The following ZNF251 variants were observed in gnomAD, a reference collection of about 807,000 sequenced individuals.
ZNF251 encodes the protein zinc finger protein 251.
ZNF251 carries 14 observed loss-of-function variants against 13.5 expected under a neutral mutation model. That is an observed-to-expected ratio of 1.04 (90% CI 0.69 to 1.63). The LOEUF (loss-of-function observed/expected upper bound fraction) is 1.63. Among genes scored for constraint, ZNF251 ranks in the 40% most tolerant of loss-of-function variants. The probability of loss-of-function intolerance (pLI) is 0.00; values close to 1 mark genes in which losing one functional copy is unlikely to be tolerated. For missense variants in ZNF251, 764 were observed against 834.9 expected, an observed-to-expected ratio of 0.92 and a Z score of 1.05; for synonymous variants, 287 against 295.2, an observed-to-expected ratio of 0.97 and a Z score of 0.28.
chr8:144,752,938 T>C (rs1586711720), intron 4 of ZNF251, among the ~76,000 whole-genome samples: 1 of 152,012 alleles, frequency 6.6e-6, no homozygotes, highest in African/African-American at 2.4e-5. Flanking sequence ...ACAGCTGACA[T>C]ATCAAGTAGT....
chr8:144,748,080 CTT>C (rs371744692), intron 4 of ZNF251, among the ~76,000 whole-genome samples: 1 of 145,296 alleles, frequency 6.9e-6, no homozygotes. Flanking sequence ...GACAACCTCA[CTT>C]TTTTTTTTTG....
Position 144,721,967 on chromosome 8 carries a change from A to G in ZNF251, c.1693T>C (p.Ser565Pro). The G allele has an allele frequency of 1.3e-6, 2 of 1,529,954 alleles. No homozygotes were observed. The highest frequency in any genetic ancestry group is 1.8e-6 in the Non-Finnish European group (2 of 1,138,652). 94.8% of individuals were successfully genotyped at this position (1,529,954 alleles called of 1,614,324 possible). A position where few individuals can be genotyped will look rare whatever the true frequency, so the allele number is the denominator to read the frequency against. ...LRWTVHTGEK[S>P]FGCNEYGKAF... ...TTTCCATATTCATTACATCCAAAGG[A>G]TTTCTCACCAGTGTGAACTGTCCAG... The change falls in exon 5 of 5, where the codon TCC becomes CCC. Residue 565 changes from serine (S) to proline (P), a missense_variant. Physicochemically the swap from Ser to Pro is moderately conservative, Grantham distance 74. Transcript: ENST00000292562.
chr8:144,738,469 T>C (rs1824003497), intron 4 of ZNF251: 1 of 825,108 alleles, frequency 1.2e-6, no homozygotes, highest in African/African-American at 1.9e-5. Flanking sequence ...TACATGGAAA[T>C]GGCAACTGCG....
rs1201119240 is a variant in ZNF251 at position 144,721,577 on chromosome 8, T to G, written c.*67A>C. ...GTAATATTTAGACCTTATATATCTTTCATTATGCCATCTTATCTTCTAATG... is the reference window on the plus strand; with the variant it reads ...GTAATATTTAGACCTTATATATCTTGCATTATGCCATCTTATCTTCTAATG... On this transcript the variant is annotated 3_prime_UTR_variant, in exon 5 of 5. Transcript: ENST00000292562. The G allele has an allele frequency of 7.8e-7, 1 of 1,279,838 alleles. No individual in the cohort carries two copies. The highest frequency in any genetic ancestry group is 1.0e-6 in the Non-Finnish European group (1 of 1,002,628). The allele number at this position is 1,279,838 out of a possible 1,614,324, so 79.3% of individuals were successfully genotyped here.
intron 4 of ZNF251, chr8:144,730,071 G>A: frequency 1.0e-6 from 1 of 985,338 alleles, no homozygotes; most frequent in East Asian, 1.1e-4. Context: ...TGTATGGCAG[G>A]CCCAGCAGTG....
intron 4 of ZNF251, chr8:144,738,810 C>T: frequency 1.0e-6 from 1 of 985,122 alleles, no homozygotes; most frequent in Non-Finnish European, 1.2e-6. Context: ...CTCCTGGGGG[C>T]ACCTGTTTGT....
intron 4 of ZNF251, among the ~76,000 whole-genome samples, chr8:144,745,725 T>G (rs1824395087): frequency 6.6e-6 from 1 of 152,086 alleles, no homozygotes; most frequent in Non-Finnish European, 1.5e-5. Context: ...AAAAAAAATT[T>G]TTTTGTAGAT....
chr8:144,732,489 A>G (rs1388346866), intron 4 of ZNF251, among the ~76,000 whole-genome samples: 1 of 152,152 alleles, frequency 6.6e-6, no homozygotes, highest in African/African-American at 2.4e-5. Flanking sequence ...TTGACAGGTC[A>G]TGGTAAAAAG....
intron 4 of ZNF251, among the ~76,000 whole-genome samples, chr8:144,728,956 C>T (rs1360696001): frequency 2.7e-5 from 4 of 149,950 alleles, no homozygotes; most frequent in East Asian, 4.1e-4. Flanking sequence ...GGCATGGTGG[C>T]GCGCGCCTGT....
chr8:144,749,435 G>A (rs1824586132), intron 4 of ZNF251, among the ~76,000 whole-genome samples: 1 of 152,064 alleles, frequency 6.6e-6, no homozygotes, highest in African/African-American at 2.4e-5. Flanking sequence ...TCAATAGACT[G>A]GGACTGTGCC....
Position 144,722,517 on chromosome 8 carries a change from C to G in ZNF251, c.1143G>C (p.Gln381His), listed in dbSNP as rs755010456. The G allele has an allele frequency of 1.2e-6, 2 of 1,613,332 alleles. No homozygotes were observed. Among genetic ancestry groups the G allele is most frequent in the Admixed American group, 3.3e-5 (2 of 59,964 alleles). ...AGCTCTGACTGAAGGCCTTCCCACA[C>G]TGATTGCATTTATGGGGCTTCTCTC... Reference protein sequence around the residue: ...HTGEKPHKCNQCGKAFSQSSS... With the variant: ...HTGEKPHKCNHCGKAFSQSSS... The change falls in exon 5 of 5, where the codon CAG becomes CAC. Residue 381 changes from glutamine (Q) to histidine (H), a missense_variant. Coordinates refer to ENST00000292562, the MANE Select transcript of ZNF251 (RefSeq NM_138367.2). The surrounding 1 kb of genome is among the most constrained non-coding windows in gnomAD (Gnocchi z 4.8).
chr8:144,732,540 CGG>C (rs1823728525), intron 4 of ZNF251, among the ~76,000 whole-genome samples: 1 of 151,912 alleles, frequency 6.6e-6, no homozygotes, highest in Non-Finnish European at 1.5e-5. Context: ...AAGCCGGGCG[CGG>C]TGGCTCACGC....
Position 144,721,990 on chromosome 8 carries a change from C to T in ZNF251, c.1670G>A (p.Trp557Ter). ...FNHGANLILR[W>*]TVHTGEKSFG... Reference sequence around the variant, plus strand: ...GGATTTCTCACCAGTGTGAACTGTCCAGCGCAGAATGAGATTTGCACCATG... The same window carrying T: ...GGATTTCTCACCAGTGTGAACTGTCTAGCGCAGAATGAGATTTGCACCATG... Residue 557 changes from tryptophan (W) to a stop codon, truncating the protein, a stop_gained, in exon 5 of 5, where the codon TGG becomes TAG. Coordinates refer to ENST00000292562, the MANE Select transcript of ZNF251 (RefSeq NM_138367.2). LOFTEE classifies it low-confidence loss of function (END_TRUNC). 2 of 1,578,324 alleles carry T rather than the reference C, an allele frequency of 1.3e-6. No homozygotes were observed. The highest frequency in any genetic ancestry group is 1.2e-5 in the South Asian group (1 of 84,770).
At chr8:144,738,049 C>G (rs987593114) in intron 4 of ZNF251, among the ~76,000 whole-genome samples, 3 of 152,200 alleles carry the variant, frequency 2.0e-5, no homozygotes, top group South Asian at 4.1e-4. Flanking sequence ...ACAAGAGTTT[C>G]CATATCTTAC....
intron 2 of ZNF251, 133 bp downstream of exon 2, chr8:144,754,563 C>G (rs1824864735): frequency 6.8e-7 from 1 of 1,460,852 alleles, no homozygotes; most frequent in Non-Finnish European, 9.0e-7. Context: ...CCTCTCAGAA[C>G]CCTTTCCTCA....
chr8:144,738,638 A>C (rs1824010892), intron 4 of ZNF251: 1 of 985,302 alleles, frequency 1.0e-6, no homozygotes, highest in African/African-American at 1.7e-5. Context: ...TTCTGCCCAT[A>C]GATTTAGACT....
At chr8:144,733,838 AG>A (rs1045374087) in intron 4 of ZNF251, among the ~76,000 whole-genome samples, 2 of 152,218 alleles carry the variant, frequency 1.3e-5, no homozygotes, top group Admixed American at 6.5e-5. Context: ...AAAGGAAAAA[AG>A]AAAAAAAGAA....
At chr8:144,745,723 T>A (rs897970770) in intron 4 of ZNF251, among the ~76,000 whole-genome samples, 8 of 151,894 alleles carry the variant, frequency 5.3e-5, no homozygotes, top group African/African-American at 7.3e-5. Flanking sequence ...ACAAAAAAAA[T>A]TTTTTTGTAG....
chr8:144,746,613 A>T (rs1402631436), intron 4 of ZNF251, among the ~76,000 whole-genome samples: 2 of 152,182 alleles, frequency 1.3e-5, no homozygotes, highest in Admixed American at 1.3e-4. Flanking sequence ...AACCCATCTG[A>T]GCCCAGTGGA....
Sources: gnomAD v4.1 joint callset for allele counts (sites outside exome capture counted in the v4.1 genomes callset) on GRCh38, gnomAD v4.1.1 for gene constraint, Gnocchi (gnomAD v3.1) non-coding constraint, MANE v1.5 for transcripts, NCBI Gene and HGNC (gene_info 2026-07-23, HGNC 2026-07-21) for gene names.